Variants in DIS3 observed in about 807,000 individuals in gnomAD.
DIS3 encodes exosome complex exonuclease RRP44.
A neutral mutation model predicts 113.0 loss-of-function variants in DIS3; 103 were observed. The ratio of observed to expected loss-of-function variants is 0.91; its 90% CI spans 0.78 to 1.07. DIS3 has a LOEUF of 1.07. DIS3 is among the 50% of genes least tolerant of loss of function. The probability of loss-of-function intolerance (pLI) is 0.00; values close to 1 mark genes in which losing one functional copy is unlikely to be tolerated. For missense variants in DIS3, 1,121 were observed against 1,167.1 expected, an observed-to-expected ratio of 0.96 and a Z score of 0.58; for synonymous variants, 402 against 394.3, an observed-to-expected ratio of 1.02 and a Z score of -0.23.
rs1593832598 is a variant in DIS3 at position 72,759,482 on chromosome 13, A to G, written c.*313T>C. 3 of 249,728 alleles carry G rather than the reference A, an allele frequency of 1.2e-5. No individual in the cohort carries two copies. The highest frequency in any genetic ancestry group is 2.3e-5 in the Non-Finnish European group (3 of 130,128). The allele number at this position is 249,728 out of a possible 1,614,324, so 15.5% of individuals were successfully genotyped here. A position where few individuals can be genotyped will look rare whatever the true frequency, so the allele number is the denominator to read the frequency against. ...TAATCAAAGTACTTACGCAAAATTA[A>G]TCTGCTCCTCAATGAGATGAGCACT... On this transcript the variant is annotated 3_prime_UTR_variant, in exon 21 of 21. Coordinates refer to ENST00000377767, the MANE Select transcript of DIS3 (RefSeq NM_014953.5).
Position 72,757,691 on chromosome 13 carries a change from T to TG in DIS3, c.*2103dup, listed in dbSNP as rs2033523273. ...ATCCACCCGCCTCGTCCTCCCAAAA[T>TG]GCTAGGATTACAGGCATGAGCCACC... On this transcript the variant is annotated 3_prime_UTR_variant, in exon 21 of 21. Transcript: ENST00000377767. 1 of 180,644 alleles carries TG rather than the reference T, an allele frequency of 5.5e-6. No homozygotes were observed. The highest frequency in any genetic ancestry group is 1.2e-5 in the Non-Finnish European group (1 of 84,472). 11.2% of individuals were successfully genotyped at this position (180,644 alleles called of 1,614,324 possible). A position where few individuals can be genotyped will look rare whatever the true frequency, so the allele number is the denominator to read the frequency against.
In DIS3 at chr13:72,775,219, CTG is replaced by C. The variant is rs771443934; in HGVS notation, c.977_978del (p.Thr326ArgfsTer5). The C allele has an allele frequency of 1.2e-5, 20 of 1,611,920 alleles. No individual in the cohort carries two copies. Among genetic ancestry groups the C allele is most frequent in the Non-Finnish European group, 1.6e-5 (19 of 1,179,072 alleles). On this transcript the variant is annotated frameshift_variant, in exon 6 of 21. Transcript: ENST00000377767. LOFTEE classifies it high-confidence loss of function. Reference sequence around the variant, plus strand: ...CCTGCTTAGATTCATACCATTCGTTCTGTCTCTTCTTCTTTCTCCACATCTTC... The same window carrying C: ...CCTGCTTAGATTCATACCATTCGTTCTCTCTTCTTCTTTCTCCACATCTTC... ...NEEDVEKEEE[T>X]ERMLKTAVSE...
At chr13:72,779,803 A>G (rs1219983651) in intron 2 of DIS3, among the ~76,000 whole-genome samples, 1 of 151,948 alleles carries the variant, frequency 6.6e-6, no homozygotes. Flanking sequence ...CCTGCCAAAT[A>G]GGCTAGGAAC....
At position 72,755,325 on chromosome 13, in the gene DIS3, T is replaced by G; in HGVS notation, c.*4470A>C. On this transcript the variant is annotated 3_prime_UTR_variant, in exon 21 of 21. Coordinates refer to ENST00000377767, the MANE Select transcript of DIS3 (RefSeq NM_014953.5). ...GAAAAAATTACTTCAAGTAACATGC[T>G]TAGCTTTCCCTCCTTAATGTGAAAA... 1.1e-6 allele frequency: 1 copy of G among 871,160 alleles called. No homozygotes were observed. Among genetic ancestry groups the G allele is most frequent in the Non-Finnish European group, 1.8e-6 (1 of 552,922 alleles). The allele number at this position is 871,160 out of a possible 1,614,324, so 54.0% of individuals were successfully genotyped here. A position where few individuals can be genotyped will look rare whatever the true frequency, so the allele number is the denominator to read the frequency against.
intron 19 of DIS3, 122 bp downstream of exon 19, chr13:72,761,241 T>C (rs1172366486): frequency 7.9e-7 from 1 of 1,268,896 alleles, no homozygotes; most frequent in African/African-American, 1.6e-5. Flanking sequence ...GGCATGTATT[T>C]GGAGATCAGG....
At chr13:72,760,317 T>C (rs1166519798) in intron 20 of DIS3, among the ~76,000 whole-genome samples, 2 of 152,180 alleles carry the variant, frequency 1.3e-5, no homozygotes, top group African/African-American at 4.8e-5. Flanking sequence ...CTTTTTATTT[T>C]AGCACCAAAG....
intron 4 of DIS3, among the ~76,000 whole-genome samples, chr13:72,776,882 T>C (rs563585548): frequency 6.6e-5 from 10 of 152,274 alleles, no homozygotes; most frequent in African/African-American, 1.9e-4. Flanking sequence ...CAAATACCAT[T>C]TCCAATCATT....
intron 13 of DIS3, among the ~76,000 whole-genome samples, chr13:72,770,386 AC>A (rs1474812022): frequency 6.6e-6 from 1 of 151,946 alleles, no homozygotes; most frequent in Non-Finnish European, 1.5e-5. Context: ...TTCCCCTCCC[AC>A]CCAAACTGAA....
At chr13:72,773,359 G>A (rs1200752977) in intron 8 of DIS3, among the ~76,000 whole-genome samples, 1 of 152,116 alleles carries the variant, frequency 6.6e-6, no homozygotes, top group African/African-American at 2.4e-5. Context: ...CTAATCGGGA[G>A]GCTGAGACAC....
chr13:72,755,310 C>A lies in DIS3; in HGVS notation c.*4485G>T. 9.6e-7 allele frequency: 1 copy of A among 1,043,748 alleles called. No individual in the cohort carries two copies. The allele number at this position is 1,043,748 out of a possible 1,614,324, so 64.7% of individuals were successfully genotyped here. On this transcript the variant is annotated 3_prime_UTR_variant, in exon 21 of 21. Coordinates refer to ENST00000377767, the MANE Select transcript of DIS3 (RefSeq NM_014953.5). ...CATGATGGTGACTGGGAAAAAATTA[C>A]TTCAAGTAACATGCTTAGCTTTCCC...
chr13:72,756,265 C>G lies in DIS3; in HGVS notation c.*3530G>C, dbSNP rs558560124. ...TACTGCTGACCTGCAGAAAATGTGC[C>G]GCGTTATGTACCTGGCTCATCTTCA... On this transcript the variant is annotated 3_prime_UTR_variant, in exon 21 of 21. Transcript: ENST00000377767. The G allele has an allele frequency of 4.6e-6, 1 of 216,966 alleles. No individual in the cohort carries two copies. Among genetic ancestry groups the G allele is most frequent in the South Asian group, 1.9e-4 (1 of 5,312 alleles). 13.4% of individuals were successfully genotyped at this position (216,966 alleles called of 1,614,324 possible).
At chr13:72,760,753 A>C in intron 19 of DIS3, 102 bp from the exon 20 acceptor site, 1 of 1,381,840 alleles carries the variant, frequency 7.2e-7, no homozygotes, top group Non-Finnish European at 9.7e-7. Flanking sequence ...TTAAATATAA[A>C]AATTAGTAAG....
At position 72,775,289 on chromosome 13, in the gene DIS3, T is replaced by C; in HGVS notation, c.909A>G (p.Val303=). The change falls in exon 6 of 21, where the codon GTA becomes GTG. Residue 303 remains valine, a synonymous_variant. Coordinates refer to ENST00000377767, the MANE Select transcript of DIS3 (RefSeq NM_014953.5). ...AVELLPKSQW[V]APSSVVLHDE... is the part of the protein sequence containing the mutation. Reference sequence around the variant, plus strand: ...CATGTAAAACCACAGAAGATGGTGCTACCCACTGACTCTTGGGGAGAAGCT... The same window carrying C: ...CATGTAAAACCACAGAAGATGGTGCCACCCACTGACTCTTGGGGAGAAGCT... 1 of 1,613,842 alleles carries C rather than the reference T, an allele frequency of 6.2e-7. No homozygotes were observed. Among genetic ancestry groups the C allele is most frequent in the Non-Finnish European group, 8.5e-7 (1 of 1,179,776 alleles).
chr13:72,781,099 G>A, intron 1 of DIS3, 96 bp from the exon 2 acceptor site: 1 of 1,400,984 alleles, frequency 7.1e-7, no homozygotes, highest in South Asian at 1.4e-5. Context: ...AATACTTTAT[G>A]TTTTAAAAAC....
At chr13:72,760,682 T>A (rs1156266580) in intron 19 of DIS3, 31 bp from the exon 20 acceptor site, 1 of 1,604,196 alleles carries the variant, frequency 6.2e-7, no homozygotes. Context: ...CATTCTTAAT[T>A]GCTTCCTTAC....
At chr13:72,781,332 TC>T (rs1216505445) in intron 1 of DIS3, 1 of 1,551,058 alleles carries the variant, frequency 6.4e-7, no homozygotes. Context: ...GAAGCCCAGG[TC>T]CCCGGCCTCC....
In DIS3 at chr13:72,768,452, C is replaced by T. The variant is rs141852657; in HGVS notation, c.1883+333G>A. On this transcript the variant is annotated intron_variant, in intron 14 of 20. Transcript: ENST00000377767. ...ATCACCTGAGGTCAGGAGTTCAAGA[C>T]CAGCCTGGCCAACAAGGTGAAACTC... is the stretch of plus-strand genomic sequence containing the variant. 6.2e-3 allele frequency among the ~76,000 whole-genome samples: 941 copies of T among 152,264 alleles called. 3 individuals are homozygous for T. The highest frequency in any genetic ancestry group is 0.027 in the Middle Eastern group (8 of 294).
chr13:72,766,112 AAGTAT>A, intron 14 of DIS3, 54 bp from the exon 15 acceptor site: 1 of 1,426,064 alleles, frequency 7.0e-7, no homozygotes, highest in East Asian at 2.4e-5. Flanking sequence ...TAAAAGACAA[AAGTAT>A]AGAAATTATT....
chr13:72,781,163 C>T, intron 1 of DIS3, 160 bp from the exon 2 acceptor site: 2 of 1,374,172 alleles, frequency 1.5e-6, no homozygotes, highest in Non-Finnish European at 2.0e-6. Context: ...AGACAATAGT[C>T]ACTAAACCCT....
Sources: allele counts gnomAD v4.1 joint callset (sites outside exome capture counted in the v4.1 genomes callset), GRCh38; gene constraint gnomAD v4.1.1; transcripts MANE v1.5; gene names NCBI Gene and HGNC (gene_info 2026-07-23, HGNC 2026-07-21).